The following ARMH1 variants were observed in gnomAD, a reference collection of about 807,000 sequenced individuals.
ARMH1 encodes armadillo-like helical domain containing protein 1.
ARMH1 carries 34 observed loss-of-function variants against 50.2 expected under a neutral mutation model. That is an observed-to-expected ratio of 0.68 (90% CI 0.51 to 0.90). The LOEUF (loss-of-function observed/expected upper bound fraction) is 0.90. Ranked by LOEUF, ARMH1 falls within the 40% of genes least tolerant of loss-of-function variation. ARMH1 has a pLI of 0.00. For synonymous variants in ARMH1, 221 were observed against 224.2 expected, an observed-to-expected ratio of 0.99 and a Z score of 0.13; for missense variants, 538 against 553.9, an observed-to-expected ratio of 0.97 and a Z score of 0.29.
At chr1:44,722,371 G>A (rs1393001505) in intron 6 of ARMH1, among the ~76,000 whole-genome samples, 1 of 151,998 alleles carries the variant, frequency 6.6e-6, no homozygotes, top group East Asian at 1.9e-4. Flanking sequence ...CTGGACGACA[G>A]AGTAAGACCT....
Position 44,724,349 on chromosome 1 carries a change from CTG to C in ARMH1, c.878_879del (p.Leu293ProfsTer87), listed in dbSNP as rs1375475027. 1 of 1,551,560 alleles carries C rather than the reference CTG, an allele frequency of 6.4e-7. No homozygotes were observed. Among genetic ancestry groups the C allele is most frequent in the Admixed American group, 2.0e-5 (1 of 51,006 alleles). On this transcript the variant is annotated frameshift_variant, in exon 8 of 12. Transcript: ENST00000535358. LOFTEE classifies it high-confidence loss of function. This position sits in a 1 kb window ranked among gnomAD's most constrained non-coding sequence, Gnocchi z 6.4. ...DPSVLQLTPS[L>X]PMFLQQAAAA... ...CTCGGTTCTCCAGCTCACCCCCAGC[CTG>C]CCGATGTTTTTGCAGCAGGCCGCGG...
intron 6 of ARMH1, among the ~76,000 whole-genome samples, chr1:44,722,692 G>A (rs746664692): frequency 1.1e-4 from 17 of 150,160 alleles, no homozygotes; most frequent in African/African-American, 3.7e-4. Flanking sequence ...TGCAGTGAGC[G>A]ATTGCACTCC....
At chr1:44,716,145 A>AT (rs67697786) in intron 6 of ARMH1, among the ~76,000 whole-genome samples, 55 of 147,818 alleles carry the variant, frequency 3.7e-4, no homozygotes, top group Middle Eastern at 7.0e-3. Flanking sequence ...CTAGGTGTCA[A>AT]TTTTTTTTTT....
At chr1:44,698,670 T>C (rs1335035456) in intron 4 of ARMH1, among the ~76,000 whole-genome samples, 1 of 150,428 alleles carries the variant, frequency 6.6e-6, no homozygotes, top group East Asian at 2.0e-4. Context: ...AAAATTAGCC[T>C]GGTGCAGTGG....
At chr1:44,720,197 CAAAAAA>C (rs35873369) in intron 6 of ARMH1, among the ~76,000 whole-genome samples, 6 of 69,208 alleles carry the variant, frequency 8.7e-5, no homozygotes, top group East Asian at 8.2e-4. Context: ...AACTCTGTCT[CAAAAAA>C]AAAAAAAAAA....
rs1241471791 is a variant in ARMH1 at position 44,681,026 on chromosome 1, G to A, written c.-23+6153G>A. ...TTTTTTTTTTTTGAGACGGAGTCTCGCTCTGTCACCCAGGCTGGAGTGTAG... is the reference window on the plus strand; with the variant it reads ...TTTTTTTTTTTTGAGACGGAGTCTCACTCTGTCACCCAGGCTGGAGTGTAG... On this transcript the variant is annotated intron_variant, in intron 1 of 11. Coordinates refer to ENST00000535358, the MANE Select transcript of ARMH1 (RefSeq NM_001145636.2). This position sits in a 1 kb window ranked among gnomAD's most constrained non-coding sequence, Gnocchi z 4.3. Among the ~76,000 whole-genome samples the A allele has an allele frequency of 2.9e-5, 4 of 137,240 alleles. No homozygotes were observed. The highest frequency in any genetic ancestry group is 4.6e-5 in the Non-Finnish European group (3 of 65,874). The allele number at this position is 137,240 out of a possible 152,430, so 90.0% of individuals were successfully genotyped here.
chr1:44,699,493 A>G (rs543495745), intron 4 of ARMH1, among the ~76,000 whole-genome samples: 65 of 152,170 alleles, frequency 4.3e-4, no homozygotes, highest in Non-Finnish European at 7.6e-4. Context: ...TCTATCGCCC[A>G]GGCTGGAGTG....
chr1:44,709,403 T>C (rs553677461), intron 6 of ARMH1, among the ~76,000 whole-genome samples: 11 of 152,308 alleles, frequency 7.2e-5, no homozygotes, highest in African/African-American at 2.4e-4. Context: ...GCAGGCGCGG[T>C]GGCTCACGCC....
intron 1 of ARMH1, among the ~76,000 whole-genome samples, chr1:44,677,273 A>G (rs1645168929): frequency 2.0e-5 from 3 of 152,176 alleles, no homozygotes; most frequent in Non-Finnish European, 4.4e-5. Context: ...TAATTTTCGG[A>G]AGCAGCAGTC....
intron 1 of ARMH1, among the ~76,000 whole-genome samples, chr1:44,687,285 A>G (rs1440288591): frequency 1.3e-5 from 2 of 152,186 alleles, no homozygotes; most frequent in Non-Finnish European, 2.9e-5. Flanking sequence ...TAAGGACACC[A>G]ATCATATTGG....
intron 6 of ARMH1, among the ~76,000 whole-genome samples, chr1:44,713,189 C>T (rs1646696191): frequency 6.6e-6 from 1 of 150,574 alleles, no homozygotes; most frequent in Admixed American, 6.7e-5. Flanking sequence ...ACCTACACCT[C>T]CTGGATTCAA....
intron 4 of ARMH1, among the ~76,000 whole-genome samples, chr1:44,699,901 C>T (rs1319861953): frequency 6.6e-6 from 1 of 151,104 alleles, no homozygotes; most frequent in East Asian, 1.9e-4. Context: ...ACGGTCTCAG[C>T]TCACTACAAC....
At position 44,683,307 on chromosome 1, in the gene ARMH1, A is replaced by C. The variant is rs918223796; in HGVS notation, c.-22-6369A>C. Among the ~76,000 whole-genome samples, 1 of 152,158 alleles carries C rather than the reference A, an allele frequency of 6.6e-6. No homozygotes were observed. The highest frequency in any genetic ancestry group is 2.4e-5 in the African/African-American group (1 of 41,436). Reference sequence around the variant, plus strand: ...AGGAGCCTGTGACACATACCAGTGAAGAGTCTGCCGGTCACTTAAGTACAT... The same window carrying C: ...AGGAGCCTGTGACACATACCAGTGACGAGTCTGCCGGTCACTTAAGTACAT... On this transcript the variant is annotated intron_variant, in intron 1 of 11. Coordinates refer to ENST00000535358, the MANE Select transcript of ARMH1 (RefSeq NM_001145636.2). The surrounding 1 kb of genome is among the most constrained non-coding windows in gnomAD (Gnocchi z 4.2).
At chr1:44,705,435 T>C (rs1011631595) in intron 6 of ARMH1, among the ~76,000 whole-genome samples, 2 of 151,720 alleles carry the variant, frequency 1.3e-5, no homozygotes, top group Non-Finnish European at 2.9e-5. Context: ...GGAGGTTGCA[T>C]TGAGCCGAGA....
intron 6 of ARMH1, among the ~76,000 whole-genome samples, chr1:44,712,185 G>A (rs749313406): frequency 3.9e-5 from 6 of 152,132 alleles, no homozygotes; most frequent in African/African-American, 7.2e-5. Context: ...CTGGCTGGGC[G>A]CAGGGGCTCT....
At chr1:44,720,219 A>G (rs1316488571) in intron 6 of ARMH1, among the ~76,000 whole-genome samples, 1 of 151,126 alleles carries the variant, frequency 6.6e-6, no homozygotes, top group Non-Finnish European at 1.5e-5. Flanking sequence ...AAAAAAAAAA[A>G]AGTTGGCCAT....
At chr1:44,721,548 A>G (rs1021962216) in intron 6 of ARMH1, among the ~76,000 whole-genome samples, 1 of 152,192 alleles carries the variant, frequency 6.6e-6, no homozygotes, top group Non-Finnish European at 1.5e-5. Flanking sequence ...TAGCTTCCTA[A>G]ATGTTTACAA....
chr1:44,704,834 C>CT (rs34632415), intron 6 of ARMH1, among the ~76,000 whole-genome samples: 5,307 of 124,340 alleles, frequency 0.043, 168 homozygotes, highest in East Asian at 0.12. Context: ...TTATTGAGAA[C>CT]TTTTTTTTTT....
intron 6 of ARMH1, among the ~76,000 whole-genome samples, chr1:44,720,197 C>CA (rs35873369): frequency 0.28 from 19,499 of 68,570 alleles, 2,182 homozygotes; most frequent in African/African-American, 0.32. Flanking sequence ...AACTCTGTCT[C>CA]AAAAAAAAAA....
Sources: allele counts gnomAD v4.1 joint callset (sites outside exome capture counted in the v4.1 genomes callset), GRCh38; gene constraint gnomAD v4.1.1; non-coding constraint Gnocchi (gnomAD v3.1); transcripts MANE v1.5; gene names NCBI Gene and HGNC (gene_info 2026-07-23, HGNC 2026-07-21).